CAMKK1: variants seen among roughly 807,000 people sequenced by gnomAD.
CAMKK1 encodes calcium/calmodulin-dependent protein kinase kinase 1.
Under a neutral mutation model 63.5 loss-of-function variants are expected in CAMKK1, and 20 were observed. The ratio of observed to expected loss-of-function variants is 0.32; its 90% CI spans 0.22 to 0.46. The LOEUF (loss-of-function observed/expected upper bound fraction) is 0.46. Among genes scored for constraint, CAMKK1 ranks in the 20% least tolerant of loss-of-function variants. The pLI, the probability that CAMKK1 is intolerant of heterozygous loss-of-function variation, is 1.00. For synonymous variants in CAMKK1, 253 were observed against 269.0 expected, an observed-to-expected ratio of 0.94 and a Z score of 0.58; for missense variants, 588 against 658.1, an observed-to-expected ratio of 0.89 and a Z score of 1.17.
At position 3,890,491 on chromosome 17, in the gene CAMKK1, T is replaced by C. The variant is rs2055856111; in HGVS notation, c.-44+2448A>G. 6.6e-6 allele frequency among the ~76,000 whole-genome samples: 1 copy of C among 152,106 alleles called. No individual in the cohort carries two copies. Among genetic ancestry groups the C allele is most frequent in the Non-Finnish European group, 1.5e-5 (1 of 68,010 alleles). On this transcript the variant is annotated intron_variant, in intron 1 of 15. Transcript: ENST00000348335. This position sits in a 1 kb window ranked among gnomAD's most constrained non-coding sequence, Gnocchi z 6.5. ...GCTAGCTGCCACCTCCCCGTCCATG[T>C]TCCCGAGCAGCTCAGATCCAACAGG...
rs1238253923 is a variant in CAMKK1 at position 3,862,355 on chromosome 17, C to T, written c.1446-72G>A. 4.2e-6 allele frequency: 5 copies of T among 1,204,430 alleles called. No individual in the cohort carries two copies. Among genetic ancestry groups the T allele is most frequent in the Non-Finnish European group, 4.8e-6 (4 of 832,746 alleles). The allele number at this position is 1,204,430 out of a possible 1,614,324, so 74.6% of individuals were successfully genotyped here. On this transcript the variant is annotated intron_variant, in intron 15 of 15. Transcript: ENST00000348335. The surrounding 1 kb of genome is among the most constrained non-coding windows in gnomAD (Gnocchi z 4.1). ...GCACTCAGGGAGACACTCTCCCTCA[C>T]ACACACAGGAATCTGAATCCCACAT...
In CAMKK1 at chr17:3,882,662, T is replaced by C; in HGVS notation, c.649-98A>G. The C allele has an allele frequency of 8.9e-7, 1 of 1,123,254 alleles. No homozygotes were observed. Among genetic ancestry groups the C allele is most frequent in the Non-Finnish European group, 1.3e-6 (1 of 761,324 alleles). The allele number at this position is 1,123,254 out of a possible 1,614,324, so 69.6% of individuals were successfully genotyped here. ...CTTGCCAGCCCCAGAACCCTTAGTA[T>C]GCATGCAACCACCCCAGACAAGGAA... On this transcript the variant is annotated intron_variant, in intron 6 of 15. Transcript: ENST00000348335. This position sits in a 1 kb window ranked among gnomAD's most constrained non-coding sequence, Gnocchi z 4.3.
Position 3,862,241 on chromosome 17 carries a change from G to T in CAMKK1, c.1488C>A (p.Pro496=). The part of the protein sequence containing the change: ...FGEGGKSPEL[P]GVQEDEAAS ...ATGCAGCCTCGTCTTCCTGGACGCC[G>T]GGGAGCTCTGGGCTCTTGCCCCCTT... Residue 496 remains proline (P), a synonymous_variant, in exon 16 of 16, where the codon CCC becomes CCA. Coordinates refer to ENST00000348335, the MANE Select transcript of CAMKK1 (RefSeq NM_032294.3). The surrounding 1 kb of genome is among the most constrained non-coding windows in gnomAD (Gnocchi z 4.1). The T allele has an allele frequency of 6.3e-7, 1 of 1,590,502 alleles. No homozygotes were observed.
chr17:3,886,136 A>C (rs1236784118), intron 1 of CAMKK1, among the ~76,000 whole-genome samples: 1 of 152,220 alleles, frequency 6.6e-6, no homozygotes, highest in Non-Finnish European at 1.5e-5. Flanking sequence ...CCTTGACAGC[A>C]GAGCACTCCG....
intron 12 of CAMKK1, among the ~76,000 whole-genome samples, chr17:3,871,357 T>G (rs867592099): frequency 0.058 from 5,904 of 102,520 alleles, 212 homozygotes; most frequent in African/African-American, 0.18. Context: ...GTTTTTTTTT[T>G]TTTTTTTTTT....
intron 15 of CAMKK1, chr17:3,865,099 C>T (rs1467887366): frequency 1.0e-6 from 1 of 982,388 alleles, no homozygotes; most frequent in African/African-American, 1.7e-5. Flanking sequence ...CGCTGTGGTT[C>T]AGGACCCCAC....
At chr17:3,869,055 A>G (rs556564354) in intron 14 of CAMKK1, among the ~76,000 whole-genome samples, 5 of 141,130 alleles carry the variant, frequency 3.5e-5, no homozygotes, top group South Asian at 4.5e-4. Context: ...GGCAAACTCC[A>G]CCTCCCGGGT....
rs200214536 is a variant in CAMKK1 at position 3,865,938 on chromosome 17, C to A, written c.1415G>T (p.Arg472Leu). 1.2e-6 allele frequency: 2 copies of A among 1,614,084 alleles called. No homozygotes were observed. Among genetic ancestry groups the A allele is most frequent in the African/African-American group, 2.7e-5 (2 of 74,928 alleles). ...TAGGTTTCCTGGAGCAGACATGGATCGCTCTTCCCTCCGTGCTTGGGGCTC... is the reference window on the plus strand; with the variant it reads ...TAGGTTTCCTGGAGCAGACATGGATAGCTCTTCCCTCCGTGCTTGGGGCTC... Reference protein sequence around the residue: ...PFEPQARREERSMSAPGNLLV... With the variant: ...PFEPQARREELSMSAPGNLLV... The change falls in exon 15 of 16, where the codon CGA (arginine) becomes CTA (leucine). Residue 472 changes from arginine (R) to leucine (L), a missense_variant. Arg to Leu is a moderately radical substitution (Grantham distance 102). Coordinates refer to ENST00000348335, the MANE Select transcript of CAMKK1 (RefSeq NM_032294.3).
intron 11 of CAMKK1, 40 bp from the exon 12 acceptor site, chr17:3,872,667 G>C: frequency 6.4e-7 from 1 of 1,566,048 alleles, no homozygotes; most frequent in South Asian, 1.1e-5. Context: ...TGGGTCCAGG[G>C]CCTCGACCTG....
Position 3,861,871 on chromosome 17 carries a change from C to A in CAMKK1, c.*340G>T, listed in dbSNP as rs1172376978. On this transcript the variant is annotated 3_prime_UTR_variant, in exon 16 of 16. Coordinates refer to ENST00000348335, the MANE Select transcript of CAMKK1 (RefSeq NM_032294.3). ...TGGCCTCCACCTGCCATCTTGGTCT[C>A]CTGCCTCTGCCTCCTGCCCCAGGCC... The A allele has an allele frequency of 1.2e-5, 4 of 339,182 alleles. No individual in the cohort carries two copies. The highest frequency in any genetic ancestry group is 2.2e-5 in the Non-Finnish European group (4 of 178,902). 21.0% of individuals were successfully genotyped at this position (339,182 alleles called of 1,614,324 possible).
rs953512643 is a variant in CAMKK1, at chr17:3,879,737, C to CT, written c.796+608dup. 1 of 152,888 alleles carries CT rather than the reference C, an allele frequency of 6.5e-6. No individual in the cohort carries two copies. The highest frequency in any genetic ancestry group is 1.5e-5 in the Non-Finnish European group (1 of 68,524). The allele number at this position is 152,888 out of a possible 1,614,324, so 9.5% of individuals were successfully genotyped here. The stretch of plus-strand genomic sequence containing the variant: ...AGACTTCCCCAGCCCCCCGGCACTC[C>CT]TACAGCCTCTAGGCTCCCCAGCCTT... On this transcript the variant is annotated intron_variant, in intron 9 of 15. Transcript: ENST00000348335. This position sits in a 1 kb window ranked among gnomAD's most constrained non-coding sequence, Gnocchi z 4.5.
intron 1 of CAMKK1, 36 bp from the exon 2 acceptor site, chr17:3,885,766 G>C: frequency 6.4e-7 from 1 of 1,570,440 alleles, no homozygotes; most frequent in African/African-American, 1.3e-5. Context: ...TCACTCCTGG[G>C]TGTCAGGCTG....
chr17:3,885,292 G>A (rs979522394), intron 2 of CAMKK1, 36 bp downstream of exon 2: 2 of 1,543,560 alleles, frequency 1.3e-6, no homozygotes, highest in Non-Finnish European at 1.7e-6. Flanking sequence ...GACTACTGAG[G>A]GGCTCATGAA....
At chr17:3,880,499 C>A in intron 8 of CAMKK1, 65 bp from the exon 9 acceptor site, 2 of 1,216,392 alleles carry the variant, frequency 1.6e-6, no homozygotes, top group South Asian at 2.5e-5. Context: ...TTCAGGTGGT[C>A]GGGACGTCCC....
Position 3,884,069 on chromosome 17 carries a change from G to C in CAMKK1, c.409-132C>G. ...CACTACCCACCACCAGCTGGCTCAC[G>C]GGCAAATATTGTAGCAGATGGGGAG... On this transcript the variant is annotated intron_variant, in intron 3 of 15. Coordinates refer to ENST00000348335, the MANE Select transcript of CAMKK1 (RefSeq NM_032294.3). The surrounding 1 kb of genome is among the most constrained non-coding windows in gnomAD (Gnocchi z 4.5). 1 of 898,186 alleles carries C rather than the reference G, an allele frequency of 1.1e-6. No individual in the cohort carries two copies. Among genetic ancestry groups the C allele is most frequent in the Non-Finnish European group, 1.8e-6 (1 of 563,964 alleles). 55.6% of individuals were successfully genotyped at this position (898,186 alleles called of 1,614,324 possible).
chr17:3,862,168 G>T lies in CAMKK1; in HGVS notation c.*43C>A. On this transcript the variant is annotated 3_prime_UTR_variant, in exon 16 of 16. Transcript: ENST00000348335. This position sits in a 1 kb window ranked among gnomAD's most constrained non-coding sequence, Gnocchi z 4.1. ...ATGAGGGGTGGGCCTCTGGAGGCGC[G>T]GGATGAGTGTGCTGCCGGGTGGCCC... is the stretch of plus-strand genomic sequence containing the variant. 6.6e-7 allele frequency: 1 copy of T among 1,525,468 alleles called. No homozygotes were observed. Among genetic ancestry groups the T allele is most frequent in the African/African-American group, 1.4e-5 (1 of 72,886 alleles). The allele number at this position is 1,525,468 out of a possible 1,614,324, so 94.5% of individuals were successfully genotyped here. A position where few individuals can be genotyped will look rare whatever the true frequency, so the allele number is the denominator to read the frequency against.
chr17:3,869,335 A>G (rs554886626), intron 14 of CAMKK1, 152 bp downstream of exon 14: 2 of 1,024,828 alleles, frequency 2.0e-6, no homozygotes, highest in East Asian at 2.6e-5. Flanking sequence ...CTCCCTCTCC[A>G]TGGGCCTCCA....
chr17:3,885,618 C>G lies in CAMKK1; in HGVS notation c.70G>C (p.Asp24His). 1 of 1,614,042 alleles carries G rather than the reference C, an allele frequency of 6.2e-7. No individual in the cohort carries two copies. Among genetic ancestry groups the G allele is most frequent in the Non-Finnish European group, 8.5e-7 (1 of 1,180,022 alleles). ...TCTGCCTCCTCCAAGTGAGTCACATCGATGGCTGCCACCCGTTCTACCAGC... is the reference window on the plus strand; with the variant it reads ...TCTGCCTCCTCCAAGTGAGTCACATGGATGGCTGCCACCCGTTCTACCAGC... The part of the protein sequence containing the change: ...AELVERVAAI[D>H]VTHLEEADGG... The change falls in exon 2 of 16, where the codon GAT (aspartate) becomes CAT (histidine). Residue 24 changes from aspartate to histidine, a missense_variant. Transcript: ENST00000348335.
At position 3,869,846 on chromosome 17, in the gene CAMKK1, C is replaced by A; in HGVS notation, c.1167G>T (p.Met389Ile). The change falls in exon 13 of 16, where the codon ATG (methionine) becomes ATT (isoleucine). Residue 389 changes from methionine to isoleucine, a missense_variant. By Grantham distance (10) the Met-to-Ile change is conservative. This residue lies in a region of CAMKK1 where 226 missense variants were observed against 229.2 expected (regional missense o/e 0.99). Transcript: ENST00000348335. ...TTCTCGTCTCGGGATTCTTGTCTAA[C>A]ATCTTCAGGATCAGGTCCTTGAGCT... ...SEELKDLILK[M>I]LDKNPETRIG... The A allele has an allele frequency of 3.1e-6, 5 of 1,614,262 alleles. No homozygotes were observed. Among genetic ancestry groups the A allele is most frequent in the Non-Finnish European group, 4.2e-6 (5 of 1,180,044 alleles).
Sources: gnomAD v4.1 joint callset for allele counts (sites outside exome capture counted in the v4.1 genomes callset) on GRCh38, gnomAD v4.1.1 for gene constraint, gnomAD v4.1.1 regional missense constraint, Gnocchi (gnomAD v3.1) non-coding constraint, MANE v1.5 for transcripts, NCBI Gene and HGNC (gene_info 2026-07-23, HGNC 2026-07-21) for gene names.